The following PGCKA1 variants were observed in gnomAD, a reference collection of about 807,000 sequenced individuals.
PGCKA1 encodes PDCD10 and GCKIII kinases associated 1.
the PGCKA1 span, among the ~76,000 whole-genome samples, chr4:37,549,118 C>G: frequency 6.6e-5 from 10 of 152,338 alleles, no homozygotes; most frequent in Non-Finnish European, 1.3e-4. Flanking sequence ...CTTCGTGTCT[C>G]TCACCACAGG....
chr4:37,571,024 A>T, the PGCKA1 span, among the ~76,000 whole-genome samples: 1 of 152,226 alleles, frequency 6.6e-6, no homozygotes, highest in African/African-American at 2.4e-5. Flanking sequence ...TCATGCCTTC[A>T]TTCCCACGTG....
the PGCKA1 span, among the ~76,000 whole-genome samples, chr4:37,547,869 A>G: frequency 6.6e-6 from 1 of 152,212 alleles, no homozygotes. Context: ...CAAGGTTTTC[A>G]ACAGAAGTGA....
At chr4:37,588,618 T>G in the PGCKA1 span, 113 of 495,806 alleles carry the variant, frequency 2.3e-4, no homozygotes, top group Admixed American at 9.7e-5. Context: ...GAGAAAGGTC[T>G]GACACAGAGG....
chr4:37,496,033 A>G, the PGCKA1 span, among the ~76,000 whole-genome samples: 1 of 152,144 alleles, frequency 6.6e-6, no homozygotes, highest in Non-Finnish European at 1.5e-5. Context: ...TGTTCTATAG[A>G]CAATCCATAA....
chr4:37,563,530 C>A, the PGCKA1 span, among the ~76,000 whole-genome samples: 59 of 152,162 alleles, frequency 3.9e-4, no homozygotes, highest in African/African-American at 1.4e-3. Flanking sequence ...CCTCATTTAA[C>A]CTTAATTACC....
the PGCKA1 span, among the ~76,000 whole-genome samples, chr4:37,567,673 T>TCA: frequency 2.7e-3 from 408 of 151,414 alleles, no homozygotes; most frequent in African/African-American, 8.6e-3. Context: ...TCTTTCTCTC[T>TCA]CACACACACA....
chr4:37,488,532 C>G, the PGCKA1 span, among the ~76,000 whole-genome samples: 3 of 152,322 alleles, frequency 2.0e-5, no homozygotes, highest in Non-Finnish European at 4.4e-5. Context: ...ACAGAAGCAG[C>G]AGAAGTAGCC....
chr4:37,468,570 G>A, the PGCKA1 span, among the ~76,000 whole-genome samples: 1 of 152,150 alleles, frequency 6.6e-6, no homozygotes, highest in African/African-American at 2.4e-5. Flanking sequence ...GGTGTTCATC[G>A]TCTAAATGAG....
the PGCKA1 span, chr4:37,590,121 TGGC>T: frequency 6.2e-7 from 1 of 1,613,976 alleles, no homozygotes; most frequent in Non-Finnish European, 8.5e-7. Context: ...TGCCCTCTCC[TGGC>T]TATGTCAATG....
At chr4:37,527,212 GAGTCAAAACGTTTT>G in the PGCKA1 span, among the ~76,000 whole-genome samples, 1 of 152,160 alleles carries the variant, frequency 6.6e-6, no homozygotes, top group Non-Finnish European at 1.5e-5. Flanking sequence ...TACTACGAAA[GAGTCAAAACGTTTT>G]AGTAATTAAA....
the PGCKA1 span, among the ~76,000 whole-genome samples, chr4:37,493,293 G>A: frequency 2.2e-4 from 33 of 152,200 alleles, no homozygotes; most frequent in African/African-American, 7.7e-4. Flanking sequence ...GTAATTATCT[G>A]TTCTAATTCA....
the PGCKA1 span, among the ~76,000 whole-genome samples, chr4:37,560,793 T>C: frequency 0.53 from 80,292 of 151,156 alleles, 21,937 homozygotes; most frequent in East Asian, 0.67. Context: ...TATTTCTTCA[T>C]TAGTGATCTT....
chr4:37,464,054 G>A, the PGCKA1 span, among the ~76,000 whole-genome samples: 3 of 152,168 alleles, frequency 2.0e-5, no homozygotes, highest in Non-Finnish European at 2.9e-5. Context: ...AAACACAGAT[G>A]ACAGCATCAT....
the PGCKA1 span, among the ~76,000 whole-genome samples, chr4:37,471,892 G>A: frequency 6.6e-6 from 1 of 152,168 alleles, no homozygotes; most frequent in Non-Finnish European, 1.5e-5. Context: ...AGAGATGCTA[G>A]CAACTGCCCT....
the PGCKA1 span, among the ~76,000 whole-genome samples, chr4:37,567,119 A>G: frequency 6.6e-6 from 1 of 152,242 alleles, no homozygotes; most frequent in Admixed American, 6.5e-5. Context: ...TGCCAGAAAT[A>G]TTATAGTAAT....
chr4:37,455,114 C>G, the PGCKA1 span, among the ~76,000 whole-genome samples: 1 of 152,118 alleles, frequency 6.6e-6, no homozygotes, highest in Non-Finnish European at 1.5e-5. Context: ...AGAAGAGAAG[C>G]ATTTGAGAGT....
the PGCKA1 span, among the ~76,000 whole-genome samples, chr4:37,485,163 A>G: frequency 2.0e-5 from 3 of 152,208 alleles, no homozygotes. Flanking sequence ...GTTAAGTCCC[A>G]AATGAATAAC....
At chr4:37,546,628 C>T in the PGCKA1 span, among the ~76,000 whole-genome samples, 1 of 152,210 alleles carries the variant, frequency 6.6e-6, no homozygotes, top group Admixed American at 6.5e-5. Context: ...CCTTCTAAAA[C>T]TTGGTGTCTG....
the PGCKA1 span, among the ~76,000 whole-genome samples, chr4:37,514,562 A>G: frequency 1.1e-4 from 17 of 152,292 alleles, no homozygotes; most frequent in African/African-American, 4.1e-4. Context: ...AAAGAAATAT[A>G]TTTTATATCA....
Sources: gnomAD v4.1 joint callset for allele counts (sites outside exome capture counted in the v4.1 genomes callset) on GRCh38, gnomAD v4.1.1 for gene constraint, MANE v1.5 for transcripts, NCBI Gene and HGNC (gene_info 2026-07-23, HGNC 2026-07-21) for gene names.